The following CDH12 variants were observed in gnomAD, a reference collection of about 807,000 sequenced individuals.
The protein encoded by CDH12 is cadherin-12.
CDH12 carries 41 observed loss-of-function variants against 74.1 expected under a neutral mutation model. The ratio of observed to expected loss-of-function variants is 0.55; its 90% CI spans 0.43 to 0.72. The LOEUF (loss-of-function observed/expected upper bound fraction) is 0.72, where lower values mean the gene tolerates loss of function less well. Ranked by LOEUF, CDH12 falls within the 30% of genes least tolerant of loss-of-function variation. The pLI is 0.00. For synonymous variants in CDH12, 399 were observed against 355.0 expected, an observed-to-expected ratio of 1.12 and a Z score of -1.39; for missense variants, 945 against 977.2, an observed-to-expected ratio of 0.97 and a Z score of 0.44.
intron 4 of CDH12, among the ~76,000 whole-genome samples, chr5:22,111,960 A>G (rs986285993): frequency 3.3e-5 from 5 of 152,140 alleles, no homozygotes; most frequent in Admixed American, 2.6e-4. Flanking sequence ...CATAAAAATA[A>G]TGTAATATTA....
chr5:21,932,083 T>G (rs972872116), intron 6 of CDH12, among the ~76,000 whole-genome samples: 17 of 152,190 alleles, frequency 1.1e-4, no homozygotes, highest in African/African-American at 4.1e-4. Flanking sequence ...AAAACAACAT[T>G]AGGATACTCT....
chr5:21,984,633 G>T (rs1483093942), intron 5 of CDH12, among the ~76,000 whole-genome samples: 1 of 152,086 alleles, frequency 6.6e-6, no homozygotes, highest in Non-Finnish European at 1.5e-5. Flanking sequence ...TCAGAATTAC[G>T]GGTTGTTATT....
chr5:21,943,844 A>G (rs954023754), intron 6 of CDH12, among the ~76,000 whole-genome samples: 1 of 152,174 alleles, frequency 6.6e-6, no homozygotes, highest in African/African-American at 2.4e-5. Flanking sequence ...TTACTCAAAA[A>G]TTATTTAAAA....
At chr5:22,284,772 C>A (rs768046517) in intron 3 of CDH12, among the ~76,000 whole-genome samples, 1 of 151,824 alleles carries the variant, frequency 6.6e-6, no homozygotes, top group Non-Finnish European at 1.5e-5. Context: ...TTTAGAGCCA[C>A]CCTGCCACAA....
intron 5 of CDH12, among the ~76,000 whole-genome samples, chr5:21,982,650 T>C (rs1010035922): frequency 6.6e-6 from 1 of 151,820 alleles, no homozygotes; most frequent in African/African-American, 2.4e-5. Flanking sequence ...TACATCTACA[T>C]CTATAGCTAT....
At chr5:22,487,163 C>T (rs1273038707) in intron 2 of CDH12, among the ~76,000 whole-genome samples, 1 of 151,904 alleles carries the variant, frequency 6.6e-6, no homozygotes, top group Non-Finnish European at 1.5e-5. Flanking sequence ...CCACCACGCC[C>T]CACTAATTTT....
chr5:21,805,157 T>C (rs4485890), intron 9 of CDH12, among the ~76,000 whole-genome samples: 88,293 of 151,968 alleles, frequency 0.58, 28,552 homozygotes, highest in Non-Finnish European at 0.72. Context: ...TATCTTAGAA[T>C]GTAAACGTTT....
At chr5:22,247,780 A>T (rs1314200863) in intron 3 of CDH12, among the ~76,000 whole-genome samples, 1 of 152,232 alleles carries the variant, frequency 6.6e-6, no homozygotes, top group African/African-American at 2.4e-5. Context: ...TTTAGTGTCT[A>T]GTGCACTATT....
chr5:21,776,964 T>C (rs1288596310), intron 11 of CDH12, among the ~76,000 whole-genome samples: 5 of 152,210 alleles, frequency 3.3e-5, no homozygotes, highest in African/African-American at 1.2e-4. Context: ...ATTTTTTCAA[T>C]ATTTCAAAAA....
chr5:22,460,982 A>T (rs1426674028), intron 2 of CDH12, among the ~76,000 whole-genome samples: 1 of 147,712 alleles, frequency 6.8e-6, no homozygotes, highest in African/African-American at 2.5e-5. Context: ...CGGCCTCCCA[A>T]AGTGCTGGGA....
At chr5:22,266,268 G>A (rs1736103615) in intron 3 of CDH12, among the ~76,000 whole-genome samples, 1 of 151,866 alleles carries the variant, frequency 6.6e-6, no homozygotes, top group African/African-American at 2.4e-5. Flanking sequence ...TAGAGACGGG[G>A]TTTCACCATG....
chr5:22,141,518 C>A (rs1186531672), intron 4 of CDH12: 4 of 152,152 alleles, frequency 2.6e-5, no homozygotes, highest in African/African-American at 9.7e-5. Flanking sequence ...GGTGGACACA[C>A]ATTCTGAAAG....
At chr5:22,099,154 A>ACAGGGTCTGAGAAGGCCAC (rs1743985939) in intron 4 of CDH12, among the ~76,000 whole-genome samples, 1 of 152,148 alleles carries the variant, frequency 6.6e-6, no homozygotes, top group Non-Finnish European at 1.5e-5. Flanking sequence ...GGCCTTTCCT[A>ACAGGGTCTGAGAAGGCCAC]CAGGGTCTGA....
chr5:22,096,918 C>T (rs574120815), intron 4 of CDH12, among the ~76,000 whole-genome samples: 16 of 152,310 alleles, frequency 1.1e-4, no homozygotes, highest in Non-Finnish European at 2.2e-4. Context: ...TCAAACCCCA[C>T]AACAGGACTT....
chr5:21,857,951 G>C (rs189973424), intron 6 of CDH12, among the ~76,000 whole-genome samples: 14 of 151,784 alleles, frequency 9.2e-5, no homozygotes, highest in Admixed American at 8.5e-4. Flanking sequence ...TGCTCAGACA[G>C]AGAGAGGGAG....
chr5:22,489,353 G>A (rs1052314876), intron 2 of CDH12, among the ~76,000 whole-genome samples: 43 of 151,632 alleles, frequency 2.8e-4, no homozygotes, highest in Middle Eastern at 3.4e-3. Context: ...CACCACGCCC[G>A]GACAGTTTTT....
At chr5:22,209,264 A>G (rs1182201964) in intron 4 of CDH12, among the ~76,000 whole-genome samples, 1 of 152,200 alleles carries the variant, frequency 6.6e-6, no homozygotes, top group Admixed American at 6.5e-5. Context: ...TATTACCACA[A>G]TATCAACATG....
At chr5:21,812,361 C>T (rs1054592683) in intron 9 of CDH12, among the ~76,000 whole-genome samples, 8 of 151,938 alleles carry the variant, frequency 5.3e-5, no homozygotes, top group African/African-American at 1.9e-4. Context: ...TCTTGTATTG[C>T]AATATTGAAG....
rs1022941991 is a variant in CDH12, at chr5:22,587,749, C to G, written c.-522-82385G>C. 8.6e-5 allele frequency among the ~76,000 whole-genome samples: 13 copies of G among 151,822 alleles called. No individual in the cohort carries two copies. In the East Asian group the frequency reaches 2.5e-3, roughly 29 times the overall value. ...TTTACTAACCATTTTCTGTTGAGAC[C>G]CCGAATTATATGGACCTAGAATGGC... On this transcript the variant is annotated intron_variant, in intron 1 of 14. Transcript: ENST00000382254.
Sources: gnomAD v4.1 joint callset for allele counts (sites outside exome capture counted in the v4.1 genomes callset) on GRCh38, gnomAD v4.1.1 for gene constraint, MANE v1.5 for transcripts, NCBI Gene and HGNC (gene_info 2026-07-23, HGNC 2026-07-21) for gene names.